Variants in DENND1B observed in about 807,000 individuals in gnomAD.
DENND1B encodes DENN domain-containing protein 1B.
In DENND1B, 59 loss-of-function variants were observed where a neutral mutation model predicts 90.1. That is an observed-to-expected ratio of 0.65 (90% CI 0.53 to 0.81). The LOEUF is 0.81. DENND1B is among the 40% of genes least tolerant of loss of function. The probability of loss-of-function intolerance (pLI) is 0.00; values close to 1 mark genes in which losing one functional copy is unlikely to be tolerated. For synonymous variants in DENND1B, 337 were observed against 324.6 expected (o/e 1.04, Z -0.41); for missense variants, 862 against 912.6 (o/e 0.94, Z 0.71).
At chr1:197,622,545 G>A (rs1678267338) in intron 10 of DENND1B, among the ~76,000 whole-genome samples, 1 of 151,256 alleles carries the variant, frequency 6.6e-6, no homozygotes. Flanking sequence ...TGCATCTTTG[G>A]ACCGGACAAT....
At chr1:197,665,387 T>C (rs1654840726) in intron 5 of DENND1B, among the ~76,000 whole-genome samples, 1 of 152,172 alleles carries the variant, frequency 6.6e-6, no homozygotes, top group Admixed American at 6.5e-5. Context: ...TTTAAAGCAT[T>C]ATATACAAAT....
intron 3 of DENND1B, among the ~76,000 whole-genome samples, chr1:197,707,882 G>C (rs1382673766): frequency 3.3e-5 from 5 of 149,592 alleles, no homozygotes; most frequent in Admixed American, 1.3e-4. Context: ...CACCGTGCGC[G>C]AGCCGAAGCA....
chr1:197,641,017 C>G (rs1680226716), intron 10 of DENND1B, among the ~76,000 whole-genome samples: 1 of 152,232 alleles, frequency 6.6e-6, no homozygotes, highest in African/African-American at 2.4e-5. Flanking sequence ...CCATCACTGT[C>G]TACCCTGTAA....
intron 2 of DENND1B, among the ~76,000 whole-genome samples, chr1:197,725,296 A>C (rs1481561797): frequency 2.6e-5 from 4 of 152,186 alleles, no homozygotes; most frequent in African/African-American, 9.6e-5. Flanking sequence ...GGAAGCCAGA[A>C]GACAGTGGAA....
chr1:197,636,596 A>G (rs1204249435), intron 10 of DENND1B, among the ~76,000 whole-genome samples: 2 of 152,196 alleles, frequency 1.3e-5, no homozygotes, highest in Non-Finnish European at 2.9e-5. Context: ...ACCACATAAT[A>G]CATAATAATT....
intron 5 of DENND1B, among the ~76,000 whole-genome samples, chr1:197,662,260 A>G (rs1189649433): frequency 3.3e-5 from 5 of 152,080 alleles, no homozygotes; most frequent in Non-Finnish European, 5.9e-5. Flanking sequence ...AGGGGTTGAG[A>G]GCAGAATCTA....
chr1:197,647,127 G>A lies in DENND1B; in HGVS notation c.448-13C>T. The A allele has an allele frequency of 7.0e-7, 1 of 1,424,736 alleles. No homozygotes were observed. The allele number at this position is 1,424,736 out of a possible 1,614,324, so 88.3% of individuals were successfully genotyped here. On this transcript the variant is annotated splice_polypyrimidine_tract_variant and intron_variant, in intron 7 of 22. Coordinates refer to ENST00000620048, the MANE Select transcript of DENND1B (RefSeq NM_001195215.2). ...ATATCTCTTGGTTCTTATAATACAT[G>A]AGAGAAAAAAATGAATATTTTACTT...
chr1:197,694,049 T>C (rs1658183723), intron 3 of DENND1B, among the ~76,000 whole-genome samples: 1 of 151,498 alleles, frequency 6.6e-6, no homozygotes, highest in Admixed American at 6.6e-5. Context: ...GGCTTAAATT[T>C]TAAATATTAA....
At chr1:197,625,603 C>CA (rs1371745734) in intron 10 of DENND1B, among the ~76,000 whole-genome samples, 1 of 152,040 alleles carries the variant, frequency 6.6e-6, no homozygotes, top group Non-Finnish European at 1.5e-5. Context: ...GAAACTGCAT[C>CA]AACTAACGAG....
intron 2 of DENND1B, chr1:197,735,668 C>A: frequency 6.2e-7 from 1 of 1,614,038 alleles, no homozygotes; most frequent in Non-Finnish European, 8.5e-7. Flanking sequence ...TCAGCCGGTA[C>A]AAGGTCTACC....
At chr1:197,696,171 T>C (rs1226074957) in intron 3 of DENND1B, among the ~76,000 whole-genome samples, 1 of 151,420 alleles carries the variant, frequency 6.6e-6, no homozygotes, top group Non-Finnish European at 1.5e-5. Context: ...GCTGGCTGCC[T>C]GCCATTCATT....
chr1:197,508,529 T>A lies in DENND1B; in HGVS notation c.*1931A>T, dbSNP rs1042136285. 4.0e-5 allele frequency: 6 copies of A among 151,784 alleles called. No individual in the cohort carries two copies. The highest frequency in any genetic ancestry group is 1.2e-4 in the African/African-American group (5 of 41,404). 9.4% of individuals were successfully genotyped at this position (151,784 alleles called of 1,614,324 possible). On this transcript the variant is annotated 3_prime_UTR_variant, in exon 23 of 23. Transcript: ENST00000620048. ...CTTATATAATCATAATGAATAAGTG[T>A]CCCAAATAACACATATCCATTTAGA...
chr1:197,619,967 T>C (rs140640365), intron 10 of DENND1B, among the ~76,000 whole-genome samples: 2 of 151,312 alleles, frequency 1.3e-5, no homozygotes, highest in Non-Finnish European at 3.0e-5. Flanking sequence ...GGAAAAAATA[T>C]ATGACAACTC....
intron 16 of DENND1B, chr1:197,552,730 AG>A (rs1237599100): frequency 1.7e-6 from 2 of 1,168,428 alleles, no homozygotes; most frequent in South Asian, 2.7e-5. Flanking sequence ...AAGGAAAGAC[AG>A]GAAGATATGA....
At chr1:197,780,088 AG>A (rs1657389733), upstream of DENND1B, among the ~76,000 whole-genome samples, 1 of 152,204 alleles carries the variant, frequency 6.6e-6, no homozygotes. Context: ...CATTCATGTG[AG>A]ACCTGGTTTG....
intron 14 of DENND1B, among the ~76,000 whole-genome samples, chr1:197,583,866 A>G (rs1257691903): frequency 1.3e-5 from 2 of 152,322 alleles, no homozygotes; most frequent in South Asian, 2.1e-4. Context: ...CAAGGACTTA[A>G]ATCTCAAGTC....
chr1:197,695,243 C>T (rs967128903), intron 3 of DENND1B, among the ~76,000 whole-genome samples: 24 of 150,996 alleles, frequency 1.6e-4, no homozygotes, highest in African/African-American at 5.8e-4. Flanking sequence ...CATTTTTCCA[C>T]GTTTGCCCCT....
chr1:197,543,449 A>T (rs922415443), intron 18 of DENND1B, among the ~76,000 whole-genome samples: 1 of 152,178 alleles, frequency 6.6e-6, no homozygotes, highest in African/African-American at 2.4e-5. Flanking sequence ...CCTAAAAAAA[A>T]CCCTCAACTG....
At chr1:197,630,854 CA>C (rs535438493) in intron 10 of DENND1B, among the ~76,000 whole-genome samples, 208 of 152,164 alleles carry the variant, frequency 1.4e-3, no homozygotes, top group African/African-American at 4.9e-3. Context: ...CAGTAATGAA[CA>C]AAACATACAA....
Sources: gnomAD v4.1 joint callset for allele counts (sites outside exome capture counted in the v4.1 genomes callset) on GRCh38, gnomAD v4.1.1 for gene constraint, MANE v1.5 for transcripts, NCBI Gene and HGNC (gene_info 2026-07-23, HGNC 2026-07-21) for gene names.